Variants in GALNT13 observed in about 807,000 individuals in gnomAD.
GALNT13 encodes the protein polypeptide N-acetylgalactosaminyltransferase 13.
GALNT13 carries 28 observed loss-of-function variants against 64.2 expected under a neutral mutation model. That is an observed-to-expected ratio of 0.44 (90% CI 0.32 to 0.60). The LOEUF (loss-of-function observed/expected upper bound fraction) is 0.60. GALNT13 is among the 20% of genes least tolerant of loss of function. The pLI is 0.05. For missense variants in GALNT13, 577 were observed against 669.8 expected, an observed-to-expected ratio of 0.86 and a Z score of 1.53; for synonymous variants, 214 against 224.6, an observed-to-expected ratio of 0.95 and a Z score of 0.42.
At chr2:153,513,418 G>T in the GALNT13 span, among the ~76,000 whole-genome samples, 1 of 152,080 alleles carries the variant, frequency 6.6e-6, no homozygotes, top group Non-Finnish European at 1.5e-5. Flanking sequence ...TCAAACTTGT[G>T]CTGTTTTCTT....
At chr2:154,234,652 A>T (rs1282190289) in intron 4 of GALNT13, among the ~76,000 whole-genome samples, 4 of 152,146 alleles carry the variant, frequency 2.6e-5, no homozygotes, top group Non-Finnish European at 5.9e-5. Flanking sequence ...TATGAAAAAA[A>T]TGTTTTTTAA....
chr2:153,087,083 C>T, the GALNT13 span, among the ~76,000 whole-genome samples: 1 of 152,106 alleles, frequency 6.6e-6, no homozygotes, highest in Non-Finnish European at 1.5e-5. Flanking sequence ...GTTCTTTCAA[C>T]TTCTCCCTAT....
intron 4 of GALNT13, among the ~76,000 whole-genome samples, chr2:154,153,573 G>T (rs1289314112): frequency 1.3e-5 from 2 of 152,206 alleles, no homozygotes; most frequent in Non-Finnish European, 2.9e-5. Flanking sequence ...TTGAGCTGTG[G>T]TGGGCTCCAC....
chr2:154,152,944 C>G (rs572063901), intron 4 of GALNT13, among the ~76,000 whole-genome samples: 1 of 152,322 alleles, frequency 6.6e-6, no homozygotes, highest in South Asian at 2.1e-4. Context: ...CAAAGTCATT[C>G]TCCGTCCAGC....
the GALNT13 span, among the ~76,000 whole-genome samples, chr2:153,622,782 G>A: frequency 6.6e-6 from 1 of 152,016 alleles, no homozygotes; most frequent in Non-Finnish European, 1.5e-5. Flanking sequence ...CTTCCATAAT[G>A]AGCTCACTGG....
At chr2:153,878,745 A>G (rs938327856) in intron 1 of GALNT13, among the ~76,000 whole-genome samples, 15 of 152,034 alleles carry the variant, frequency 9.9e-5, no homozygotes, top group African/African-American at 3.6e-4. Context: ...AGTTTGCTCC[A>G]TTTTTACTTC....
At chr2:153,264,545 C>T in the GALNT13 span, among the ~76,000 whole-genome samples, 6 of 152,136 alleles carry the variant, frequency 3.9e-5, no homozygotes, top group African/African-American at 1.4e-4. Flanking sequence ...CCAAAATGCC[C>T]ATCAATGATA....
At chr2:154,434,286 G>A (rs192470565) in intron 11 of GALNT13, among the ~76,000 whole-genome samples, 15 of 152,246 alleles carry the variant, frequency 9.9e-5, no homozygotes, top group African/African-American at 3.4e-4. Context: ...TTTTAGAGGA[G>A]TCTCGCTCTG....
chr2:153,094,652 A>G, the GALNT13 span, among the ~76,000 whole-genome samples: 1 of 152,246 alleles, frequency 6.6e-6, no homozygotes, highest in Admixed American at 6.5e-5. Flanking sequence ...ACAAGGCTAC[A>G]GTAACCAAAA....
chr2:154,269,727 C>T (rs1170755452), intron 8 of GALNT13, among the ~76,000 whole-genome samples: 1 of 150,954 alleles, frequency 6.6e-6, no homozygotes, highest in African/African-American at 2.4e-5. Context: ...AGCTTCTGTG[C>T]CTGCAACTAG....
the GALNT13 span, among the ~76,000 whole-genome samples, chr2:153,196,783 C>T: frequency 6.6e-6 from 1 of 152,118 alleles, no homozygotes; most frequent in African/African-American, 2.4e-5. Context: ...GCTCCAGGGG[C>T]TCCCACTTGT....
At chr2:153,398,824 C>T in the GALNT13 span, among the ~76,000 whole-genome samples, 44 of 137,798 alleles carry the variant, frequency 3.2e-4, no homozygotes, top group East Asian at 8.5e-3. Flanking sequence ...TGGATATTAG[C>T]CCTTTGTCAG....
At chr2:153,271,575 C>T in the GALNT13 span, among the ~76,000 whole-genome samples, 3 of 152,154 alleles carry the variant, frequency 2.0e-5, no homozygotes, top group Non-Finnish European at 4.4e-5. Context: ...AGAAGGACCT[C>T]TTCAAGGAGA....
intron 3 of GALNT13, among the ~76,000 whole-genome samples, chr2:154,123,482 T>A (rs1008077269): frequency 4.6e-5 from 7 of 151,850 alleles, no homozygotes; most frequent in Non-Finnish European, 1.0e-4. Context: ...CAATAGAAAA[T>A]TATTAAATAT....
At chr2:153,991,042 C>A (rs1244945236) in intron 3 of GALNT13, among the ~76,000 whole-genome samples, 1 of 152,116 alleles carries the variant, frequency 6.6e-6, no homozygotes, top group East Asian at 1.9e-4. Flanking sequence ...TTCAACTGAC[C>A]TTTGGGAAGT....
chr2:154,049,523 A>ATG (rs1038954091), intron 3 of GALNT13, among the ~76,000 whole-genome samples: 5 of 147,874 alleles, frequency 3.4e-5, no homozygotes, highest in Non-Finnish European at 1.5e-5. Context: ...TATTATATAT[A>ATG]TATATATATG....
At chr2:153,179,399 C>G in the GALNT13 span, among the ~76,000 whole-genome samples, 1 of 152,108 alleles carries the variant, frequency 6.6e-6, no homozygotes, top group African/African-American at 2.4e-5. Flanking sequence ...CTATCCTTTT[C>G]CATTTGTTAA....
At chr2:153,299,185 A>G in the GALNT13 span, among the ~76,000 whole-genome samples, 3 of 152,220 alleles carry the variant, frequency 2.0e-5, no homozygotes, top group African/African-American at 7.2e-5. Flanking sequence ...TAGTACAAAG[A>G]ATATTGATGA....
At chr2:153,698,149 T>C in the GALNT13 span, among the ~76,000 whole-genome samples, 2 of 151,886 alleles carry the variant, frequency 1.3e-5, no homozygotes, top group Non-Finnish European at 2.9e-5. Flanking sequence ...CACACCAAAA[T>C]ATAAAGAGAG....
Sources: allele counts gnomAD v4.1 joint callset (sites outside exome capture counted in the v4.1 genomes callset), GRCh38; gene constraint gnomAD v4.1.1; transcripts MANE v1.5; gene names NCBI Gene and HGNC (gene_info 2026-07-23, HGNC 2026-07-21).